The following SLC30A8 variants were observed in gnomAD, a reference collection of about 807,000 sequenced individuals.
The protein encoded by SLC30A8 is solute carrier family 30 member 8.
Under a neutral mutation model 36.9 loss-of-function variants are expected in SLC30A8, and 27 were observed. That is an observed-to-expected ratio of 0.73 (90% CI 0.54 to 1.01). The LOEUF is 1.01. SLC30A8 is among the 50% of genes least tolerant of loss of function. The pLI is 0.00. For missense variants in SLC30A8, 439 were observed against 452.0 expected (o/e 0.97, Z 0.26); for synonymous variants, 164 against 172.4 (o/e 0.95, Z 0.38).
At chr8:117,003,875 A>G (rs1235489124) in intron 1 of SLC30A8, among the ~76,000 whole-genome samples, 1 of 152,166 alleles carries the variant, frequency 6.6e-6, no homozygotes, top group Non-Finnish European at 1.5e-5. Context: ...TGTCTTGCTT[A>G]TTATCCTCTA....
intron 2 of SLC30A8, among the ~76,000 whole-genome samples, chr8:117,110,826 C>T (rs1820194329): frequency 6.6e-6 from 1 of 152,048 alleles, no homozygotes; most frequent in Admixed American, 6.6e-5. Context: ...TCACAATAGC[C>T]CCGAGAGATG....
chr8:117,146,015 G>A (rs187437615), intron 1 of SLC30A8, among the ~76,000 whole-genome samples: 3 of 152,210 alleles, frequency 2.0e-5, no homozygotes, highest in African/African-American at 7.2e-5. Flanking sequence ...GGGTACAAAT[G>A]TATGATTTGA....
At chr8:117,127,852 T>C (rs182647008) in intron 2 of SLC30A8, among the ~76,000 whole-genome samples, 1 of 152,216 alleles carries the variant, frequency 6.6e-6, no homozygotes, top group Admixed American at 6.5e-5. Flanking sequence ...AATGAATTTA[T>C]ATACTTTAAG....
rs913241603 is a variant in SLC30A8, at chr8:117,013,579, T to C, written c.-265-25640T>C. On this transcript the variant is annotated intron_variant, in intron 1 of 10. Transcript: ENST00000427715. ...TCAGTAAATTCTCTTGTCCACAATG[T>C]GTCAGGTATATTAGCACCTTACAGC... 8.5e-5 allele frequency among the ~76,000 whole-genome samples: 13 copies of C among 152,190 alleles called. No homozygotes were observed. The East Asian group carries it at 2.5e-3, about 29-fold the overall frequency.
chr8:117,166,705 A>G (rs1054904872), intron 6 of SLC30A8, among the ~76,000 whole-genome samples: 1 of 151,806 alleles, frequency 6.6e-6, no homozygotes, highest in East Asian at 1.9e-4. Context: ...AAATTCAGTG[A>G]GAGCTAGAAG....
chr8:116,963,573 A>G (rs552090155), intron 1 of SLC30A8, among the ~76,000 whole-genome samples: 1 of 152,350 alleles, frequency 6.6e-6, no homozygotes, highest in African/African-American at 2.4e-5. Flanking sequence ...GGTTTCGTCC[A>G]TATTGCATTA....
chr8:117,081,773 A>C (rs1230159917), intron 2 of SLC30A8, among the ~76,000 whole-genome samples: 2 of 152,212 alleles, frequency 1.3e-5, no homozygotes, highest in Non-Finnish European at 2.9e-5. Flanking sequence ...AAAGTCTTCC[A>C]ATTTCAAAAA....
At chr8:117,166,860 T>C (rs1310267710) in intron 6 of SLC30A8, among the ~76,000 whole-genome samples, 1 of 150,940 alleles carries the variant, frequency 6.6e-6, no homozygotes, top group East Asian at 1.9e-4. Context: ...CACACTTCGT[T>C]AGTGTTCACT....
At chr8:117,094,111 A>G (rs1819255463) in intron 2 of SLC30A8, among the ~76,000 whole-genome samples, 1 of 152,258 alleles carries the variant, frequency 6.6e-6, no homozygotes, top group Non-Finnish European at 1.5e-5. Context: ...TGACTAAGGG[A>G]GCCCCTAGGT....
intron 2 of SLC30A8, among the ~76,000 whole-genome samples, chr8:117,056,666 C>T (rs951350224): frequency 1.3e-5 from 2 of 152,154 alleles, no homozygotes; most frequent in Admixed American, 6.5e-5. Context: ...CTTGTCCATG[C>T]AAATTCACAC....
intron 1 of SLC30A8, among the ~76,000 whole-genome samples, chr8:117,140,498 A>G (rs1821602527): frequency 6.6e-6 from 1 of 151,794 alleles, no homozygotes; most frequent in African/African-American, 2.4e-5. Context: ...TGAAAGCAGC[A>G]AGAGAAAAAA....
At chr8:117,027,701 T>A (rs1436176569) in intron 1 of SLC30A8, among the ~76,000 whole-genome samples, 1 of 152,154 alleles carries the variant, frequency 6.6e-6, no homozygotes, top group African/African-American at 2.4e-5. Flanking sequence ...TTCTTAAGGG[T>A]CATTTCTAGT....
chr8:117,110,572 G>A (rs1820183180), intron 2 of SLC30A8, among the ~76,000 whole-genome samples: 1 of 152,128 alleles, frequency 6.6e-6, no homozygotes, highest in South Asian at 2.1e-4. Flanking sequence ...GGCATGCAGG[G>A]GCACATGACG....
intron 1 of SLC30A8, among the ~76,000 whole-genome samples, chr8:116,995,627 G>A (rs941727605): frequency 2.0e-5 from 3 of 152,076 alleles, no homozygotes; most frequent in African/African-American, 7.3e-5. Context: ...GGCACTGAAT[G>A]TATTGGGGGC....
chr8:117,057,316 A>G (rs937986019), intron 2 of SLC30A8, among the ~76,000 whole-genome samples: 2 of 152,234 alleles, frequency 1.3e-5, no homozygotes, highest in Non-Finnish European at 2.9e-5. Flanking sequence ...GTATACATAC[A>G]TATTGTATAA....
intron 1 of SLC30A8, among the ~76,000 whole-genome samples, chr8:116,979,220 T>C (rs1018746818): frequency 1.1e-4 from 11 of 101,762 alleles, no homozygotes; most frequent in African/African-American, 4.4e-4. Context: ...GCCTGGGCAA[T>C]AGCGTGAGAC....
chr8:117,067,324 G>A (rs1586463872), intron 2 of SLC30A8, among the ~76,000 whole-genome samples: 1 of 151,342 alleles, frequency 6.6e-6, no homozygotes, highest in African/African-American at 2.4e-5. Flanking sequence ...TGTTTTTCAT[G>A]CTTGAGCCAC....
intron 1 of SLC30A8, among the ~76,000 whole-genome samples, chr8:116,957,582 C>A (rs529433253): frequency 1.4e-4 from 22 of 152,214 alleles, no homozygotes; most frequent in African/African-American, 5.3e-4. Flanking sequence ...AGACAGCACC[C>A]ATTGTTAAAC....
chr8:116,983,887 A>G (rs1038628296), intron 1 of SLC30A8, among the ~76,000 whole-genome samples: 10 of 152,060 alleles, frequency 6.6e-5, no homozygotes, highest in African/African-American at 2.2e-4. Context: ...GTCCTGTGCA[A>G]TTTTTATCGT....
Sources: gnomAD v4.1 joint callset for allele counts (sites outside exome capture counted in the v4.1 genomes callset) on GRCh38, gnomAD v4.1.1 for gene constraint, MANE v1.5 for transcripts, NCBI Gene and HGNC (gene_info 2026-07-23, HGNC 2026-07-21) for gene names.